The following IGF1R variants were observed in gnomAD, a reference collection of about 807,000 sequenced individuals.
The protein encoded by IGF1R is insulin like growth factor 1 receptor.
A neutral mutation model predicts 144.6 loss-of-function variants in IGF1R; 44 were observed. That is an observed-to-expected ratio of 0.30 (90% CI 0.24 to 0.39). The LOEUF (loss-of-function observed/expected upper bound fraction) is 0.39, where lower values mean the gene tolerates loss of function less well. IGF1R is among the 10% of genes least tolerant of loss of function. IGF1R has a pLI of 1.00. For synonymous variants in IGF1R, 795 were observed against 722.8 expected (o/e 1.10, Z -1.60); for missense variants, 1,355 against 1,833.7 (o/e 0.74, Z 4.77).
intron 2 of IGF1R, among the ~76,000 whole-genome samples, chr15:98,756,493 A>G (rs2055159520): frequency 1.3e-5 from 2 of 152,042 alleles, no homozygotes; most frequent in South Asian, 4.1e-4. Context: ...TTCTCTGGTA[A>G]TCATAACCCT....
At chr15:98,954,053 G>T (rs549755622) in intron 20 of IGF1R, 1 of 152,286 alleles carries the variant, frequency 6.6e-6, no homozygotes, top group Non-Finnish European at 1.5e-5. Context: ...TCCGGTGAGC[G>T]TCGGCACCGG....
chr15:98,807,111 G>T (rs1257802896), intron 2 of IGF1R, among the ~76,000 whole-genome samples: 1 of 152,220 alleles, frequency 6.6e-6, no homozygotes, highest in Non-Finnish European at 1.5e-5. Context: ...CTCACGCCCT[G>T]TACCTGGCTT....
At chr15:98,807,935 ACT>A (rs1261167633) in intron 2 of IGF1R, among the ~76,000 whole-genome samples, 1 of 152,116 alleles carries the variant, frequency 6.6e-6, no homozygotes, top group African/African-American at 2.4e-5. Flanking sequence ...TGATCCATAA[ACT>A]CTCATTATAA....
chr15:98,936,058 A>G (rs988413038), intron 17 of IGF1R, among the ~76,000 whole-genome samples: 1 of 151,284 alleles, frequency 6.6e-6, no homozygotes, highest in African/African-American at 2.4e-5. Context: ...CAAGATGTGC[A>G]CTCATTCATA....
At chr15:98,669,654 A>T (rs543991312) in intron 1 of IGF1R, among the ~76,000 whole-genome samples, 1 of 152,230 alleles carries the variant, frequency 6.6e-6, no homozygotes, top group Non-Finnish European at 1.5e-5. Context: ...CTGTCTTCCC[A>T]TTAGGGCAGT....
chr15:98,720,805 A>G lies in IGF1R; in HGVS notation c.640+12698A>G, dbSNP rs146033524. On this transcript the variant is annotated intron_variant, in intron 2 of 20. Transcript: ENST00000650285. ...ATATGAGAAATGCTGATGTAACTCG[A>G]TTATGTGGAATGAATTTAAATTCAT... is the stretch of plus-strand genomic sequence containing the variant. Among the ~76,000 whole-genome samples the G allele has an allele frequency of 4.4e-3, 672 of 152,282 alleles. 5 individuals are homozygous for G. Among genetic ancestry groups the G allele is most frequent in the African/African-American group, 0.014 (576 of 41,546 alleles).
At chr15:98,721,467 G>A (rs976387026) in intron 2 of IGF1R, among the ~76,000 whole-genome samples, 2 of 152,224 alleles carry the variant, frequency 1.3e-5, no homozygotes, top group Non-Finnish European at 2.9e-5. Flanking sequence ...ACCCCACTTA[G>A]TGTCTGAGTG....
Position 98,957,727 on chromosome 15 carries a change from A to G in IGF1R, c.*285A>G. 1 of 509,804 alleles carries G rather than the reference A, an allele frequency of 2.0e-6. No homozygotes were observed. The highest frequency in any genetic ancestry group is 3.5e-6 in the Non-Finnish European group (1 of 283,626). The allele number at this position is 509,804 out of a possible 1,614,324, so 31.6% of individuals were successfully genotyped here. A position where few individuals can be genotyped will look rare whatever the true frequency, so the allele number is the denominator to read the frequency against. ...CTTAATAGCAACAGAGCACTTGAGA[A>G]CCAGTCTCCTCACTCTGTCCCTGTC... On this transcript the variant is annotated 3_prime_UTR_variant, in exon 21 of 21. Transcript: ENST00000650285.
intron 3 of IGF1R, among the ~76,000 whole-genome samples, 183 bp from the exon 4 acceptor site, chr15:98,896,574 G>C (rs1344331727): frequency 6.6e-6 from 1 of 152,216 alleles, no homozygotes; most frequent in Non-Finnish European, 1.5e-5. Context: ...CTTGCAATGT[G>C]AGTGGCTTAT....
chr15:98,767,192 T>C (rs2055456030), intron 2 of IGF1R, among the ~76,000 whole-genome samples: 1 of 152,162 alleles, frequency 6.6e-6, no homozygotes, highest in Admixed American at 6.5e-5. Flanking sequence ...GTTAGGTTTT[T>C]CATGTAATCT....
In IGF1R at chr15:98,704,122, G is replaced by C. The variant is rs1368497804; in HGVS notation, c.95-3440G>C. Reference sequence around the variant, plus strand: ...GATGTGTCTTTTCCACACATGCCCAGATTCCCTCAGACACCTCCACAAAGG... The same window carrying C: ...GATGTGTCTTTTCCACACATGCCCACATTCCCTCAGACACCTCCACAAAGG... On this transcript the variant is annotated intron_variant, in intron 1 of 20. Transcript: ENST00000650285. The surrounding 1 kb of genome is among the most constrained non-coding windows in gnomAD (Gnocchi z 4.9). Among the ~76,000 whole-genome samples, 1 of 152,160 alleles carries C rather than the reference G, an allele frequency of 6.6e-6. No homozygotes were observed. The highest frequency in any genetic ancestry group is 1.5e-5 in the Non-Finnish European group (1 of 68,038).
chr15:98,843,988 C>T (rs1226032077), intron 2 of IGF1R, among the ~76,000 whole-genome samples: 1 of 152,138 alleles, frequency 6.6e-6, no homozygotes, highest in Non-Finnish European at 1.5e-5. Context: ...AGCAGATGGG[C>T]TTGTTTGCTT....
rs200296097 is a variant in IGF1R, at chr15:98,907,358, G to A, written c.1248-1327G>A. On this transcript the variant is annotated intron_variant, in intron 5 of 20. Transcript: ENST00000650285. ...CACCAGATGCAGAGAGATCCCCAATGGACATAGCCTCCAGGGCAGACGAAG... is the reference window on the plus strand; with the variant it reads ...CACCAGATGCAGAGAGATCCCCAATAGACATAGCCTCCAGGGCAGACGAAG... Among the ~76,000 whole-genome samples, 13 of 151,840 alleles carry A rather than the reference G, an allele frequency of 8.6e-5. No individual in the cohort carries two copies. The East Asian group carries it at 2.5e-3, about 29-fold the overall frequency.
intron 1 of IGF1R, among the ~76,000 whole-genome samples, chr15:98,684,930 CTTTTTTTT>C (rs5814891): frequency 5.1e-4 from 58 of 113,442 alleles, no homozygotes; most frequent in African/African-American, 9.7e-4. Context: ...CTTCCTTTTC[CTTTTTTTT>C]TTTTTTTTTT....
chr15:98,810,847 C>T (rs1347622476), intron 2 of IGF1R, among the ~76,000 whole-genome samples: 1 of 151,278 alleles, frequency 6.6e-6, no homozygotes, highest in Non-Finnish European at 1.5e-5. Flanking sequence ...CACGCCCAGC[C>T]TCTAAATGAT....
chr15:98,669,188 G>A (rs1270812555), intron 1 of IGF1R, among the ~76,000 whole-genome samples: 1 of 152,178 alleles, frequency 6.6e-6, no homozygotes, highest in East Asian at 1.9e-4. Flanking sequence ...CTCCGTGCGT[G>A]TGCGGATTGG....
At chr15:98,792,498 C>A (rs1003651917) in intron 2 of IGF1R, among the ~76,000 whole-genome samples, 1 of 152,098 alleles carries the variant, frequency 6.6e-6, no homozygotes, top group African/African-American at 2.4e-5. Flanking sequence ...TGGAAAGAAG[C>A]TTTTAAAATC....
At chr15:98,847,436 A>G (rs2011375579) in intron 2 of IGF1R, among the ~76,000 whole-genome samples, 1 of 152,230 alleles carries the variant, frequency 6.6e-6, no homozygotes, top group African/African-American at 2.4e-5. Context: ...CTTTGGAGCC[A>G]GGTAGTCCTG....
At chr15:98,804,022 G>A (rs746260368) in intron 2 of IGF1R, among the ~76,000 whole-genome samples, 1 of 152,134 alleles carries the variant, frequency 6.6e-6, no homozygotes, top group East Asian at 1.9e-4. Context: ...ATCTTACCAC[G>A]GTTGCAATGT....
Sources: gnomAD v4.1 joint callset for allele counts (sites outside exome capture counted in the v4.1 genomes callset) on GRCh38, gnomAD v4.1.1 for gene constraint, Gnocchi (gnomAD v3.1) non-coding constraint, MANE v1.5 for transcripts, NCBI Gene and HGNC (gene_info 2026-07-23, HGNC 2026-07-21) for gene names.